CENPP: variants seen among roughly 807,000 people sequenced by gnomAD.
The protein encoded by CENPP is centromere protein P.
CENPP carries 24 observed loss-of-function variants against 35.6 expected under a neutral mutation model. That is an observed-to-expected ratio of 0.67 (90% CI 0.49 to 0.95). CENPP has a LOEUF of 0.95. CENPP is among the 40% of genes least tolerant of loss of function. CENPP has a pLI of 0.00. For synonymous variants in CENPP, 120 were observed against 125.5 expected, an observed-to-expected ratio of 0.96 and a Z score of 0.29; for missense variants, 332 against 345.3, an observed-to-expected ratio of 0.96 and a Z score of 0.31.
intron 5 of CENPP, among the ~76,000 whole-genome samples, chr9:92,489,304 G>C (rs548008154): frequency 6.6e-6 from 1 of 152,304 alleles, no homozygotes; most frequent in South Asian, 2.1e-4. Context: ...TTGAGCTGAT[G>C]GTCGTAGGGC....
At chr9:92,401,425 A>G (rs1354623728) in intron 5 of CENPP, among the ~76,000 whole-genome samples, 1 of 152,182 alleles carries the variant, frequency 6.6e-6, no homozygotes. Flanking sequence ...TTATTTTTAT[A>G]TCGCCAGTAG....
chr9:92,465,584 A>G (rs952059240), intron 5 of CENPP, among the ~76,000 whole-genome samples: 2 of 152,202 alleles, frequency 1.3e-5, no homozygotes, highest in African/African-American at 4.8e-5. Context: ...GCATGGTTAT[A>G]TGATAGGTGT....
intron 5 of CENPP, among the ~76,000 whole-genome samples, chr9:92,412,584 A>G (rs533432011): frequency 2.0e-5 from 3 of 152,298 alleles, no homozygotes; most frequent in Non-Finnish European, 4.4e-5. Flanking sequence ...AGTTCTGGAC[A>G]TTTCATAAAG....
intron 5 of CENPP, among the ~76,000 whole-genome samples, chr9:92,430,165 C>A (rs1457237220): frequency 3.9e-5 from 6 of 152,022 alleles, no homozygotes; most frequent in Non-Finnish European, 8.8e-5. Context: ...TAGTTGAGTT[C>A]TTTTTTCTCT....
intron 5 of CENPP, chr9:92,500,769 A>C: frequency 1.2e-6 from 2 of 1,614,022 alleles, no homozygotes; most frequent in Non-Finnish European, 1.7e-6. Flanking sequence ...TAGTGCTTTC[A>C]TTTCTTGTAT....
rs551329581 is a variant in CENPP, at chr9:92,419,053, G to A, written c.564+39194G>A. ...GTCTTGTGGAGAATCAAATACACGTGCAGTAGAATGCAGGAGGAGGATATT... is the reference window on the plus strand; with the variant it reads ...GTCTTGTGGAGAATCAAATACACGTACAGTAGAATGCAGGAGGAGGATATT... On this transcript the variant is annotated intron_variant, in intron 5 of 7. Coordinates refer to ENST00000375587, the MANE Select transcript of CENPP (RefSeq NM_001012267.3). 1.1e-3 allele frequency among the ~76,000 whole-genome samples: 173 copies of A among 152,208 alleles called. 1 individual carries two copies. Among genetic ancestry groups the A allele is most frequent in the Admixed American group, 3.2e-3 (49 of 15,288 alleles).
Position 92,618,953 on chromosome 9 carries a change from G to A in CENPP, c.*5804G>A, listed in dbSNP as rs1182894422. ...ACTATGAGATTATCAGTTTCATCCC[G>A]AATTCCCAGAAACAGAGGGGACTGG... On this transcript the variant is annotated 3_prime_UTR_variant, in exon 8 of 8. Transcript: ENST00000375587. 7 of 273,284 alleles carry A rather than the reference G, an allele frequency of 2.6e-5. No individual in the cohort carries two copies. The highest frequency in any genetic ancestry group is 1.6e-4 in the South Asian group (4 of 24,398). 16.9% of individuals were successfully genotyped at this position (273,284 alleles called of 1,614,324 possible). A position where few individuals can be genotyped will look rare whatever the true frequency, so the allele number is the denominator to read the frequency against.
intron 5 of CENPP, chr9:92,495,204 A>G (rs948533804): frequency 2.6e-6 from 1 of 388,306 alleles, no homozygotes; most frequent in Admixed American, 6.4e-5. Context: ...TGAGGCCAAC[A>G]CTGGCACTTA....
chr9:92,352,510 C>CATACATATATATATAT (rs1554753092), intron 4 of CENPP, among the ~76,000 whole-genome samples: 1 of 50,454 alleles, frequency 2.0e-5, no homozygotes, highest in African/African-American at 1.6e-4. Context: ...TGTGTGTATA[C>CATACATATATATATAT]ATATATATAT....
At chr9:92,430,952 C>T (rs1397039077) in intron 5 of CENPP, among the ~76,000 whole-genome samples, 1 of 152,030 alleles carries the variant, frequency 6.6e-6, no homozygotes, top group Non-Finnish European at 1.5e-5. Context: ...CACACCACCA[C>T]TCCCAGCTAA....
At chr9:92,515,841 A>G (rs1174694756) in intron 5 of CENPP, among the ~76,000 whole-genome samples, 4 of 152,218 alleles carry the variant, frequency 2.6e-5, no homozygotes, top group Non-Finnish European at 4.4e-5. Context: ...TACAAATGAC[A>G]TTCTGGACTT....
chr9:92,434,286 G>A (rs1417678854), intron 5 of CENPP, among the ~76,000 whole-genome samples: 2 of 151,864 alleles, frequency 1.3e-5, no homozygotes, highest in Admixed American at 1.3e-4. Context: ...CCACTCGGGA[G>A]GCTGAGGCAG....
At chr9:92,599,671 C>A (rs1433894483) in intron 5 of CENPP, among the ~76,000 whole-genome samples, 2 of 152,170 alleles carry the variant, frequency 1.3e-5, no homozygotes, top group Non-Finnish European at 2.9e-5. Context: ...CCTGCCTCGG[C>A]CTCCCAGAGT....
intron 5 of CENPP, among the ~76,000 whole-genome samples, chr9:92,591,973 C>T (rs12378023): frequency 0.26 from 39,481 of 151,698 alleles, 7,480 homozygotes; most frequent in African/African-American, 0.53. Context: ...TACATGGGTG[C>T]AGCACACCAA....
At chr9:92,414,130 T>C (rs1843520030) in intron 5 of CENPP, 1 of 167,414 alleles carries the variant, frequency 6.0e-6, no homozygotes, top group East Asian at 1.2e-4. Flanking sequence ...AAATAATACA[T>C]TAACGAAAAA....
At chr9:92,556,184 A>G (rs1326769680) in intron 5 of CENPP, among the ~76,000 whole-genome samples, 1 of 152,020 alleles carries the variant, frequency 6.6e-6, no homozygotes, top group Non-Finnish European at 1.5e-5. Flanking sequence ...ATTTCCATGT[A>G]TTTACATGGT....
intron 3 of CENPP, chr9:92,339,765 G>A (rs1437154617): frequency 2.0e-5 from 3 of 153,758 alleles, no homozygotes; most frequent in Non-Finnish European, 4.4e-5. Flanking sequence ...GACTCAAGCA[G>A]AGAATGGACC....
intron 5 of CENPP, among the ~76,000 whole-genome samples, chr9:92,530,212 C>T (rs72754439): frequency 0.011 from 1,713 of 152,176 alleles, 20 homozygotes; most frequent in South Asian, 0.019. Flanking sequence ...AAGGTGGGTA[C>T]ATGTCATTAA....
chr9:92,609,079 G>A (rs1851161678), intron 5 of CENPP, among the ~76,000 whole-genome samples: 1 of 152,258 alleles, frequency 6.6e-6, no homozygotes, highest in Admixed American at 6.5e-5. Context: ...ATTTGGAAGA[G>A]CCTGCGGCTT....
Sources: allele counts gnomAD v4.1 joint callset (sites outside exome capture counted in the v4.1 genomes callset), GRCh38; gene constraint gnomAD v4.1.1; transcripts MANE v1.5; gene names NCBI Gene and HGNC (gene_info 2026-07-23, HGNC 2026-07-21).